Variants in SBF1 observed in about 807,000 individuals in gnomAD.
The protein encoded by SBF1 is myotubularin-related protein 5.
In SBF1, 65 loss-of-function variants were observed where a neutral mutation model predicts 215.8. The ratio of observed to expected loss-of-function variants is 0.30; its 90% confidence interval spans 0.25 to 0.37. SBF1 has a LOEUF of 0.37. Ranked by LOEUF, SBF1 falls within the 10% of genes least tolerant of loss-of-function variation. The pLI, the probability that SBF1 is intolerant of heterozygous loss-of-function variation, is 1.00. For missense variants in SBF1, 2,634 were observed against 2,667.8 expected, an observed-to-expected ratio of 0.99 and a Z score of 0.28; for synonymous variants, 1,410 against 1,122.8, an observed-to-expected ratio of 1.26 and a Z score of -5.11.
chr22:50,456,143 C>A, intron 31 of SBF1, 73 bp downstream of exon 31: 1 of 1,490,022 alleles, frequency 6.7e-7, no homozygotes, highest in Non-Finnish European at 9.1e-7. Context: ...CAAACCTAGA[C>A]CCGTCCACTT....
In SBF1 at chr22:50,461,688, C is replaced by T. The variant is rs1263259591; in HGVS notation, c.2674G>A (p.Gly892Ser). ...AGGCCGTCCAGCACACACTCCTCAC[C>T]CGGCAGCAGGCGCGGCCGCAGCAGC... ...PKLLRPRLLP[G>S]EECVLDGLRV... Residue 892 changes from glycine (G) to serine (S), a missense_variant, in exon 22 of 41, where the codon GGT becomes AGT. Physicochemically the swap from Gly to Ser is moderately conservative, Grantham distance 56. Transcript: ENST00000380817. The T allele has an allele frequency of 1.9e-6, 3 of 1,609,736 alleles. No individual in the cohort carries two copies. The Admixed American group carries it at 5.0e-5, about 27-fold the overall frequency.
Position 50,447,021 on chromosome 22 carries a change from T to TGGGGGCTC in SBF1, c.*113_*120dup. 1.1e-6 allele frequency: 1 copy of TGGGGGCTC among 884,808 alleles called. No homozygotes were observed. Among genetic ancestry groups the TGGGGGCTC allele is most frequent in the Non-Finnish European group, 1.8e-6 (1 of 556,780 alleles). The allele number at this position is 884,808 out of a possible 1,614,324, so 54.8% of individuals were successfully genotyped here. A position where few individuals can be genotyped will look rare whatever the true frequency, so the allele number is the denominator to read the frequency against. On this transcript the variant is annotated 3_prime_UTR_variant, in exon 41 of 41. Transcript: ENST00000380817. ...GGACGGGGGCTGTACACACAAGTGC[T>TGGGGGCTC]GGGGGCTCGGGGCCTCAATACTGTC...
chr22:50,453,449 T>A (rs1285143971), intron 36 of SBF1, among the ~76,000 whole-genome samples: 3 of 152,174 alleles, frequency 2.0e-5, no homozygotes, highest in Non-Finnish European at 1.5e-5. Flanking sequence ...AAGGCAGGAA[T>A]CAGCATTTCC....
At position 50,448,718 on chromosome 22, in the gene SBF1, AG is replaced by A. The variant is rs536927660; in HGVS notation, c.5044-69del. ...CCAGACTAGAGCACGAAAAGACAAAAGGAAAACACAGGAAAGAGACACAACG... is the reference window on the plus strand; with the variant it reads ...CCAGACTAGAGCACGAAAAGACAAAAGAAAACACAGGAAAGAGACACAACG... On this transcript the variant is annotated intron_variant, in intron 36 of 40. Coordinates refer to ENST00000380817, the MANE Select transcript of SBF1 (RefSeq NM_002972.4). The A allele has an allele frequency of 6.1e-3, 7,537 of 1,241,732 alleles. 35 individuals carry two copies. The highest frequency in any genetic ancestry group is 6.9e-3 in the Non-Finnish European group (5,925 of 863,030). The allele number at this position is 1,241,732 out of a possible 1,614,324, so 76.9% of individuals were successfully genotyped here.
rs1436388728 is a variant in SBF1 at position 50,456,895 on chromosome 22, G to A, written c.3904+139C>T. 7 of 784,528 alleles carry A rather than the reference G, an allele frequency of 8.9e-6. No individual in the cohort carries two copies. In the Admixed American group the frequency reaches 2.1e-4, roughly 24 times the overall value. 48.6% of individuals were successfully genotyped at this position (784,528 alleles called of 1,614,324 possible). On this transcript the variant is annotated intron_variant, in intron 29 of 40. Transcript: ENST00000380817. ...AGGGCAGGACTCACGGGTCAGGGAG[G>A]TAAGGACTGGGGCTCGGGAGACGGG...
At chr22:50,473,341 G>A (rs1347763360) in intron 1 of SBF1, among the ~76,000 whole-genome samples, 1 of 152,140 alleles carries the variant, frequency 6.6e-6, no homozygotes, top group South Asian at 2.1e-4. Flanking sequence ...TCTGCCCCAG[G>A]TGGTAAGGCC....
chr22:50,447,718 C>G, intron 38 of SBF1, 109 bp from the exon 39 acceptor site: 1 of 771,776 alleles, frequency 1.3e-6, no homozygotes, highest in South Asian at 1.6e-5. Flanking sequence ...TAAGACCAGG[C>G]ACCCTGTCCC....
At chr22:50,454,783 A>G in intron 35 of SBF1, 31 bp downstream of exon 35, 2 of 1,607,786 alleles carry the variant, frequency 1.2e-6, no homozygotes, top group Non-Finnish European at 1.7e-6. Context: ...GTCGGGCAGG[A>G]GCCGCCTACC....
At chr22:50,464,063 A>T (rs1333339480) in intron 15 of SBF1, among the ~76,000 whole-genome samples, 2 of 152,248 alleles carry the variant, frequency 1.3e-5, no homozygotes, top group Non-Finnish European at 1.5e-5. Context: ...GACACAGACG[A>T]AACATAATAG....
rs181680815 is a variant in SBF1, at chr22:50,458,565, G to A, written c.3826+690C>T. On this transcript the variant is annotated intron_variant, in intron 28 of 40. Coordinates refer to ENST00000380817, the MANE Select transcript of SBF1 (RefSeq NM_002972.4). Reference sequence around the variant, plus strand: ...CAGCAAGACAGGGCGATTGTAAAATGTAAGTATATAATGTGGTATCTGGAA... The same window carrying A: ...CAGCAAGACAGGGCGATTGTAAAATATAAGTATATAATGTGGTATCTGGAA... Among the ~76,000 whole-genome samples, 126 of 152,350 alleles carry A rather than the reference G, an allele frequency of 8.3e-4. No homozygotes were observed. In the South Asian group the frequency reaches 0.021, roughly 25 times the overall value.
chr22:50,472,280 C>T (rs1474277251), intron 1 of SBF1, among the ~76,000 whole-genome samples: 3 of 152,198 alleles, frequency 2.0e-5, no homozygotes, highest in African/African-American at 7.2e-5. Flanking sequence ...AACTGGGATG[C>T]TGCCTCAGGC....
chr22:50,469,652 C>T (rs148782052), intron 1 of SBF1, among the ~76,000 whole-genome samples: 40 of 152,314 alleles, frequency 2.6e-4, no homozygotes, highest in African/African-American at 6.7e-4. Context: ...TCTGTCTGGA[C>T]GGGCCTCTAC....
At position 50,474,774 on chromosome 22, in the gene SBF1, C is replaced by T. The variant is rs1378829825; in HGVS notation, c.55+12G>A. 13 of 1,464,316 alleles carry T rather than the reference C, an allele frequency of 8.9e-6. No homozygotes were observed. The highest frequency in any genetic ancestry group is 1.5e-5 in the African/African-American group (1 of 67,698). 90.7% of individuals were successfully genotyped at this position (1,464,316 alleles called of 1,614,324 possible). A position where few individuals can be genotyped will look rare whatever the true frequency, so the allele number is the denominator to read the frequency against. On this transcript the variant is annotated intron_variant, in intron 1 of 40. Coordinates refer to ENST00000380817, the MANE Select transcript of SBF1 (RefSeq NM_002972.4). Reference sequence around the variant, plus strand: ...CGGCCCCCGGCCCTCAGCGCTTGGCCTCGGCACTCACCGCGCGGGTGCGGC... The same window carrying T: ...CGGCCCCCGGCCCTCAGCGCTTGGCTTCGGCACTCACCGCGCGGGTGCGGC...
Position 50,456,258 on chromosome 22 carries a change from G to C in SBF1, c.4224C>G (p.Ala1408=). 1 of 1,612,606 alleles carries C rather than the reference G, an allele frequency of 6.2e-7. No individual in the cohort carries two copies. Among genetic ancestry groups the C allele is most frequent in the Non-Finnish European group, 8.5e-7 (1 of 1,179,940 alleles). ...AGTCCTCCAGTGAGCGCAGGAAGGA[G>C]GCTGGGCTGGGCTCAGCAGCGGGGC... ...PGCPAAEPSP[A]SFLRSLEDSE... is the part of the protein sequence containing the mutation. The change falls in exon 31 of 41, where the codon GCC becomes GCG. Residue 1408 remains alanine, a synonymous_variant. Coordinates refer to ENST00000380817, the MANE Select transcript of SBF1 (RefSeq NM_002972.4).
Position 50,446,912 on chromosome 22 carries a change from C to A in SBF1, c.*230G>T, listed in dbSNP as rs367822911. On this transcript the variant is annotated 3_prime_UTR_variant, in exon 41 of 41. Coordinates refer to ENST00000380817, the MANE Select transcript of SBF1 (RefSeq NM_002972.4). ...GGCCGGACTATTTACAGGCCCATTG[C>A]GGGCTGTACCTTGGCCACCTCCCGG... 5 of 728,246 alleles carry A rather than the reference C, an allele frequency of 6.9e-6. No homozygotes were observed. Among genetic ancestry groups the A allele is most frequent in the Non-Finnish European group, 2.5e-6 (1 of 399,818 alleles). The allele number at this position is 728,246 out of a possible 1,614,324, so 45.1% of individuals were successfully genotyped here.
At chr22:50,466,811 A>T in intron 5 of SBF1, 101 bp from the exon 6 acceptor site, 1 of 804,206 alleles carries the variant, frequency 1.2e-6, no homozygotes, top group Non-Finnish European at 1.9e-6. Flanking sequence ...GTACTGACAG[A>T]CCCGAGGTGG....
intron 11 of SBF1, 23 bp from the exon 12 acceptor site, chr22:50,465,152 T>TC: frequency 6.2e-7 from 1 of 1,613,804 alleles, no homozygotes; most frequent in Non-Finnish European, 8.5e-7. Flanking sequence ...AGGAGGTCGG[T>TC]CCCTCAGGGG....
intron 31 of SBF1, chr22:50,456,002 C>G: frequency 1.7e-6 from 1 of 597,808 alleles, no homozygotes; most frequent in South Asian, 2.1e-5. Context: ...TACCCATGCC[C>G]AAGCCCTGGC....
At position 50,472,838 on chromosome 22, in the gene SBF1, T is replaced by C. The variant is rs142509113; in HGVS notation, c.55+1948A>G. On this transcript the variant is annotated intron_variant, in intron 1 of 40. Coordinates refer to ENST00000380817, the MANE Select transcript of SBF1 (RefSeq NM_002972.4). Reference sequence around the variant, plus strand: ...CCCCTCAAGAATGAACAAGTCCTTCTAAGGGGTGCCTGGGGCTGCAAGGCC... The same window carrying C: ...CCCCTCAAGAATGAACAAGTCCTTCCAAGGGGTGCCTGGGGCTGCAAGGCC... Among the ~76,000 whole-genome samples the C allele has an allele frequency of 6.0e-3, 918 of 152,242 alleles. 10 individuals carry two copies. The highest frequency in any genetic ancestry group is 0.021 in the African/African-American group (852 of 41,534).
Sources: gnomAD v4.1 joint callset for allele counts (sites outside exome capture counted in the v4.1 genomes callset) on GRCh38, gnomAD v4.1.1 for gene constraint, MANE v1.5 for transcripts, NCBI Gene and HGNC (gene_info 2026-07-23, HGNC 2026-07-21) for gene names.